The following ALG10 variants were observed in gnomAD, a reference collection of about 807,000 sequenced individuals.
The protein encoded by ALG10 is ALG10 alpha-1,2-glucosyltransferase, also known as dol-P-Glc:Glc(2)Man(9)GlcNAc(2)-PP-Dol alpha-1,2-glucosyltransferase A.
ALG10 carries 25 observed loss-of-function variants against 39.2 expected under a neutral mutation model. That is an observed-to-expected ratio of 0.64 (90% CI 0.46 to 0.89). The LOEUF (loss-of-function observed/expected upper bound fraction) is 0.89, where lower values mean the gene tolerates loss of function less well. ALG10 is among the 40% of genes least tolerant of loss of function. ALG10 has a pLI of 0.00. For synonymous variants in ALG10, 184 were observed against 193.9 expected, an observed-to-expected ratio of 0.95 and a Z score of 0.42; for missense variants, 486 against 546.6, an observed-to-expected ratio of 0.89 and a Z score of 1.11.
Position 34,026,811 on chromosome 12 carries a change from G to T in ALG10, c.1318G>T (p.Glu440Ter), listed in dbSNP as rs200279473. Residue 440 changes from glutamate to a stop codon, truncating the protein, a stop_gained, in exon 3 of 3, where the codon GAA (glutamate) becomes TAA (stop). Transcript: ENST00000266483. LOFTEE classifies it high-confidence loss of function. ...PLPPTSRLIC[E>*]LSCYAVVNFI... ...GCCTCCCACATCCAGACTCATTTGT[G>T]AACTGAGCTGCTATGCAGTTGTTAA... is the stretch of plus-strand genomic sequence containing the variant. The T allele has an allele frequency of 9.9e-6, 16 of 1,613,892 alleles. No homozygotes were observed. In the East Asian group the frequency reaches 3.3e-4, roughly 34 times the overall value.
At chr12:34,025,620 A>G (rs554948091) in intron 2 of ALG10, among the ~76,000 whole-genome samples, 4 of 152,330 alleles carry the variant, frequency 2.6e-5, no homozygotes, top group East Asian at 3.9e-4. Flanking sequence ...GTGTTAAGCT[A>G]TAGAAGATTT....
rs1332073581 is a variant in ALG10 at position 34,022,760 on chromosome 12, C to T, written c.161C>T (p.Ser54Phe). 3 of 1,614,162 alleles carry T rather than the reference C, an allele frequency of 1.9e-6. No homozygotes were observed. The East Asian group carries it at 6.7e-5, about 36-fold the overall frequency. ...QAQRYCEGHF[S>F]LSQWDPMITT... ...CAGCGCTACTGTGAGGGCCATTTCTCCCTTTCCCAGGTGGGGTCCCCAACC... is the reference window on the plus strand; with the variant it reads ...CAGCGCTACTGTGAGGGCCATTTCTTCCTTTCCCAGGTGGGGTCCCCAACC... The change falls in exon 1 of 3, where the codon TCC becomes TTC. Residue 54 changes from serine (S) to phenylalanine (F), a missense_variant. By Grantham distance (155) the Ser-to-Phe change is radical. Coordinates refer to ENST00000266483, the MANE Select transcript of ALG10 (RefSeq NM_032834.4).
rs1942853745 is a variant in ALG10, at chr12:34,027,911, C to T, written c.*996C>T. 1 of 152,230 alleles carries T rather than the reference C, an allele frequency of 6.6e-6. No individual in the cohort carries two copies. The highest frequency in any genetic ancestry group is 2.4e-5 in the African/African-American group (1 of 41,454). The allele number at this position is 152,230 out of a possible 1,614,324, so 9.4% of individuals were successfully genotyped here. On this transcript the variant is annotated 3_prime_UTR_variant, in exon 3 of 3. Coordinates refer to ENST00000266483, the MANE Select transcript of ALG10 (RefSeq NM_032834.4). ...GTATTGCAGACAGCAATCTTCACTC[C>T]AGTCTCTGCCTCTGTGTTCACACGG...
Position 34,022,780 on chromosome 12 carries a change from C to T in ALG10, c.171+10C>T. On this transcript the variant is annotated intron_variant, in intron 1 of 2. Coordinates refer to ENST00000266483, the MANE Select transcript of ALG10 (RefSeq NM_032834.4). ...TTTCTCCCTTTCCCAGGTGGGGTCC[C>T]CAACCTGTCCCCACCCCAGGAGAGG... The T allele has an allele frequency of 6.2e-7, 1 of 1,614,134 alleles. No homozygotes were observed. The highest frequency in any genetic ancestry group is 8.5e-7 in the Non-Finnish European group (1 of 1,180,016).
rs768765627 is a variant in ALG10 at position 34,025,993 on chromosome 12, G to A, written c.500G>A (p.Cys167Tyr). 1 of 1,613,874 alleles carries A rather than the reference G, an allele frequency of 6.2e-7. No individual in the cohort carries two copies. The highest frequency in any genetic ancestry group is 1.1e-5 in the South Asian group (1 of 91,074). Reference protein sequence around the residue: ...MFFTLFAYLMCLYGNHKTSAF... With the variant: ...MFFTLFAYLMYLYGNHKTSAF... ...TTTACTCTTTTTGCGTATTTGATGT[G>A]TCTTTATGGAAATCATAAAACTTCA... Residue 167 changes from cysteine to tyrosine, a missense_variant, in exon 3 of 3, where the codon TGT becomes TAT. By Grantham distance (194) the Cys-to-Tyr change is radical. Transcript: ENST00000266483.
rs1220574638 is a variant in ALG10, at chr12:34,027,226, A to G, written c.*311A>G. ...GTTTTGTATGTACAAGTTTATTAAAACTGGGTATGCTTCATATTACTGGAA... is the reference window on the plus strand; with the variant it reads ...GTTTTGTATGTACAAGTTTATTAAAGCTGGGTATGCTTCATATTACTGGAA... On this transcript the variant is annotated 3_prime_UTR_variant, in exon 3 of 3. Transcript: ENST00000266483. 1 of 198,774 alleles carries G rather than the reference A, an allele frequency of 5.0e-6. No individual in the cohort carries two copies. The highest frequency in any genetic ancestry group is 1.0e-5 in the Non-Finnish European group (1 of 99,372). The allele number at this position is 198,774 out of a possible 1,614,324, so 12.3% of individuals were successfully genotyped here. A position where few individuals can be genotyped will look rare whatever the true frequency, so the allele number is the denominator to read the frequency against.
upstream of ALG10, chr12:34,022,474 C>T: frequency 2.7e-6 from 4 of 1,477,032 alleles, no homozygotes; most frequent in Non-Finnish European, 2.8e-6. Context: ...CTTTGCCTTC[C>T]GGTATGTGGC....
At chr12:34,024,191 T>C in intron 2 of ALG10, 32 bp downstream of exon 2, 6 of 1,606,944 alleles carry the variant, frequency 3.7e-6, no homozygotes, top group Non-Finnish European at 5.1e-6. Context: ...TACAAGTTTA[T>C]GTGTAGTCAG....
intron 1 of ALG10, 130 bp downstream of exon 1, chr12:34,022,900 T>A (rs1942794021): frequency 2.4e-6 from 3 of 1,266,482 alleles, no homozygotes; most frequent in Admixed American, 4.7e-5. Context: ...AGAAACTGGG[T>A]ATAGTCTTTT....
chr12:34,022,500 C>A lies in ALG10; in HGVS notation c.-100C>A. On this transcript the variant is annotated 5_prime_UTR_variant, in exon 1 of 3. Coordinates refer to ENST00000266483, the MANE Select transcript of ALG10 (RefSeq NM_032834.4). The stretch of plus-strand genomic sequence containing the variant: ...GGTATGTGGCCCCGTCTGGCTAGTC[C>A]CGCCTAGCGCGCCCATTTCGAGCCC... 1.3e-6 allele frequency: 2 copies of A among 1,595,360 alleles called. No homozygotes were observed. Among genetic ancestry groups the A allele is most frequent in the Non-Finnish European group, 1.7e-6 (2 of 1,166,028 alleles).
In ALG10 at chr12:34,026,309, T is replaced by G. The variant is rs1293486761; in HGVS notation, c.816T>G (p.Gly272=). ...FLFCAFVVVN[G]GIVIGDRSSH... ...TTTGTGCTTTTGTAGTAGTTAATGG[T>G]GGAATTGTTATTGGCGATCGGAGTA... Residue 272 remains glycine, a synonymous_variant, in exon 3 of 3, where the codon GGT becomes GGG. Coordinates refer to ENST00000266483, the MANE Select transcript of ALG10 (RefSeq NM_032834.4). 1 of 1,614,118 alleles carries G rather than the reference T, an allele frequency of 6.2e-7. No individual in the cohort carries two copies. The highest frequency in any genetic ancestry group is 1.7e-5 in the Admixed American group (1 of 60,024).
chr12:34,023,019 C>T (rs11053059), intron 1 of ALG10: 1 of 536,352 alleles, frequency 1.9e-6, no homozygotes, highest in Non-Finnish European at 3.2e-6. Flanking sequence ...GAACTGAGCC[C>T]TCCTCTTGGC....
Position 34,024,374 on chromosome 12 carries a change from A to G in ALG10, c.369+215A>G, listed in dbSNP as rs114003505. Among the ~76,000 whole-genome samples, 1,393 of 152,070 alleles carry G rather than the reference A, an allele frequency of 9.2e-3. 23 individuals are homozygous for G. The highest frequency in any genetic ancestry group is 0.032 in the African/African-American group (1,336 of 41,472). On this transcript the variant is annotated intron_variant, in intron 2 of 2. Transcript: ENST00000266483. Reference sequence around the variant, plus strand: ...AACTTATTTGTAAAATCTGAAGTAAATATTTGTTAAGTGAGTCAAACCAGT... The same window carrying G: ...AACTTATTTGTAAAATCTGAAGTAAGTATTTGTTAAGTGAGTCAAACCAGT...
At chr12:34,022,379 A>AG, upstream of ALG10, 1 of 523,994 alleles carries the variant, frequency 1.9e-6, no homozygotes, top group Non-Finnish European at 3.2e-6. Flanking sequence ...TGCGATTGAG[A>AG]GGGTAATCAT....
At position 34,026,513 on chromosome 12, in the gene ALG10, C is replaced by T; in HGVS notation, c.1020C>T (p.Phe340=). The T allele has an allele frequency of 6.2e-7, 1 of 1,613,730 alleles. No homozygotes were observed. Among genetic ancestry groups the T allele is most frequent in the South Asian group, 1.1e-5 (1 of 91,042 alleles). The change falls in exon 3 of 3, where the codon TTC becomes TTT. Residue 340 remains phenylalanine, a synonymous_variant. Coordinates refer to ENST00000266483, the MANE Select transcript of ALG10 (RefSeq NM_032834.4). ...TCTCTGTGTTTTTAGTTTGGAAATT[C>T]ACTTATGCTCATAAATACTTGCTAG... The part of the protein sequence containing the change: ...TLVSVFLVWK[F]TYAHKYLLAD...
chr12:34,023,555 A>C, intron 1 of ALG10: 2 of 297,520 alleles, frequency 6.7e-6, no homozygotes, highest in Admixed American at 9.5e-5. Flanking sequence ...GGGTTTGGCA[A>C]CAATTTCTGT....
rs1376049832 is a variant in ALG10 at position 34,027,496 on chromosome 12, T to TA, written c.*582dup. The TA allele has an allele frequency of 6.6e-6, 1 of 152,606 alleles. No individual in the cohort carries two copies. Among genetic ancestry groups the TA allele is most frequent in the Non-Finnish European group, 1.5e-5 (1 of 68,022 alleles). The allele number at this position is 152,606 out of a possible 1,614,324, so 9.5% of individuals were successfully genotyped here. ...TAGTAAATGATAAAGTAGAGACTCA[T>TA]ATATGCCTGTCTAGACATCAAATTG... On this transcript the variant is annotated 3_prime_UTR_variant, in exon 3 of 3. Transcript: ENST00000266483.
chr12:34,024,290 A>C, intron 2 of ALG10, 131 bp downstream of exon 2: 1 of 1,108,848 alleles, frequency 9.0e-7, no homozygotes, highest in Non-Finnish European at 1.3e-6. Flanking sequence ...TATTATGTAA[A>C]GGTAAATTTA....
At chr12:34,022,897 G>C in intron 1 of ALG10, 127 bp downstream of exon 1, 1 of 1,299,836 alleles carries the variant, frequency 7.7e-7, no homozygotes, top group East Asian at 2.3e-5. Flanking sequence ...GAAAGAAACT[G>C]GGTATAGTCT....
Sources: allele counts gnomAD v4.1 joint callset (sites outside exome capture counted in the v4.1 genomes callset), GRCh38; gene constraint gnomAD v4.1.1; transcripts MANE v1.5; gene names NCBI Gene and HGNC (gene_info 2026-07-23, HGNC 2026-07-21).